The following SNX9 variants were observed in gnomAD, a reference collection of about 807,000 sequenced individuals.
SNX9 encodes the protein sorting nexin-9.
In SNX9, 44 loss-of-function variants were observed where a neutral mutation model predicts 89.4. The observed-to-expected ratio is 0.49, with a 90% CI of 0.39 to 0.63. SNX9 has a LOEUF of 0.63. Among genes scored for constraint, SNX9 ranks in the 30% least tolerant of loss-of-function variants. The probability of loss-of-function intolerance (pLI) is 0.00; values close to 1 mark genes in which losing one functional copy is unlikely to be tolerated. For missense variants in SNX9, 578 were observed against 736.1 expected (o/e 0.79, Z 2.49); for synonymous variants, 236 against 247.8 (o/e 0.95, Z 0.45).
Position 157,909,927 on chromosome 6 carries a change from AC to A in SNX9, c.853del (p.His285ThrfsTer51). On this transcript the variant is annotated frameshift_variant, in exon 9 of 18. Transcript: ENST00000392185. LOFTEE classifies it high-confidence loss of function. ...LTPTNTNRSV[N>X]HRYKHFDWLY... Reference sequence around the variant, plus strand: ...TTGTAGAACACTAATCGATCTGTAAACCACAGGTATAAGCACTTTGACTGGT... The same window carrying A: ...TTGTAGAACACTAATCGATCTGTAAACACAGGTATAAGCACTTTGACTGGT... 2 of 1,614,118 alleles carry A rather than the reference AC, an allele frequency of 1.2e-6. No homozygotes were observed. The highest frequency in any genetic ancestry group is 1.7e-6 in the Non-Finnish European group (2 of 1,180,004).
At chr6:157,853,648 G>A (rs1427193459) in intron 1 of SNX9, among the ~76,000 whole-genome samples, 2 of 152,162 alleles carry the variant, frequency 1.3e-5, no homozygotes, top group Admixed American at 1.3e-4. Context: ...CGGTGAAGTA[G>A]CAGAACCACC....
chr6:157,909,103 A>G (rs1394901359), intron 7 of SNX9, among the ~76,000 whole-genome samples: 3 of 152,124 alleles, frequency 2.0e-5, no homozygotes, highest in Admixed American at 1.3e-4. Flanking sequence ...GGCTCTGGCC[A>G]ATCTGATTAA....
chr6:157,858,652 G>T (rs182596604), intron 1 of SNX9, among the ~76,000 whole-genome samples: 21 of 152,314 alleles, frequency 1.4e-4, no homozygotes, highest in African/African-American at 5.1e-4. Context: ...CACACTGCTA[G>T]TAAAGACATA....
At chr6:157,890,778 T>C (rs920656232) in intron 4 of SNX9, among the ~76,000 whole-genome samples, 1 of 152,170 alleles carries the variant, frequency 6.6e-6, no homozygotes, top group Admixed American at 6.5e-5. Flanking sequence ...TATATGTCGA[T>C]TTTGTTTGTT....
intron 1 of SNX9, among the ~76,000 whole-genome samples, chr6:157,859,685 C>G (rs2115128261): frequency 6.6e-6 from 1 of 152,282 alleles, no homozygotes; most frequent in South Asian, 2.1e-4. Context: ...ATTTGTCTCT[C>G]TTAGTGTGTG....
intron 4 of SNX9, 84 bp downstream of exon 4, chr6:157,875,260 T>C (rs1175308233): frequency 1.4e-6 from 2 of 1,467,490 alleles, no homozygotes; most frequent in Non-Finnish European, 1.8e-6. Flanking sequence ...GCATTATAGC[T>C]ATTGCCATTC....
At chr6:157,927,797 G>A (rs183865032) in intron 11 of SNX9, among the ~76,000 whole-genome samples, 152 of 127,838 alleles carry the variant, frequency 1.2e-3, no homozygotes, top group African/African-American at 4.3e-3. Flanking sequence ...CACGATCTCC[G>A]CTCACTGCAA....
At chr6:157,824,749 T>G (rs1422323323) in intron 1 of SNX9, among the ~76,000 whole-genome samples, 1 of 152,190 alleles carries the variant, frequency 6.6e-6, no homozygotes, top group Non-Finnish European at 1.5e-5. Flanking sequence ...CTTGTTAATA[T>G]ATTATTGCCT....
intron 9 of SNX9, among the ~76,000 whole-genome samples, chr6:157,911,808 A>G (rs909727622): frequency 2.0e-5 from 3 of 152,092 alleles, no homozygotes; most frequent in Non-Finnish European, 4.4e-5. Flanking sequence ...TTTTGTGGAG[A>G]TGGAAACTTT....
Position 157,901,959 on chromosome 6 carries a change from T to A in SNX9, c.534T>A (p.Phe178Leu). The A allele has an allele frequency of 6.2e-7, 1 of 1,613,828 alleles. No homozygotes were observed. The highest frequency in any genetic ancestry group is 8.5e-7 in the Non-Finnish European group (1 of 1,179,878). Residue 178 changes from phenylalanine (F) to leucine (L), a missense_variant, in exon 6 of 18, where the codon TTT (phenylalanine) becomes TTA (leucine). Physicochemically the swap from Phe to Leu is conservative, Grantham distance 22. Around this residue, in one of 2 missense-constraint regions of SNX9, gnomAD observed 230 missense variants for 244.7 expected, o/e 0.94. Transcript: ENST00000392185. ...ATGGGCCCAAATCCTCTTCCTACTTTAAGGATTCAGAGTCAGCTGATGCAG... is the reference window on the plus strand; with the variant it reads ...ATGGGCCCAAATCCTCTTCCTACTTAAAGGATTCAGAGTCAGCTGATGCAG... ...DWDGPKSSSY[F>L]KDSESADAGG...
intron 1 of SNX9, among the ~76,000 whole-genome samples, chr6:157,857,820 C>G (rs1314607508): frequency 1.3e-5 from 2 of 152,090 alleles, no homozygotes; most frequent in East Asian, 3.9e-4. Flanking sequence ...ATTGGGGCTT[C>G]TCATCTAAAA....
chr6:157,881,889 G>T (rs975369984), intron 4 of SNX9, among the ~76,000 whole-genome samples: 3 of 152,226 alleles, frequency 2.0e-5, no homozygotes, highest in African/African-American at 7.2e-5. Flanking sequence ...GCACGGTGAA[G>T]CAGCAGGTGC....
At chr6:157,914,466 T>C (rs1783417613) in intron 9 of SNX9, among the ~76,000 whole-genome samples, 1 of 123,126 alleles carries the variant, frequency 8.1e-6, no homozygotes, top group Admixed American at 9.5e-5. Flanking sequence ...TCATTTTCTT[T>C]TTCTTTTTTT....
At chr6:157,937,763 A>G (rs556349068) in intron 15 of SNX9, among the ~76,000 whole-genome samples, 1 of 152,314 alleles carries the variant, frequency 6.6e-6, no homozygotes, top group East Asian at 1.9e-4. Flanking sequence ...TGAGTATTTT[A>G]TATTTTATGT....
At chr6:157,839,552 G>A (rs1781653692) in intron 1 of SNX9, among the ~76,000 whole-genome samples, 1 of 152,226 alleles carries the variant, frequency 6.6e-6, no homozygotes, top group Admixed American at 6.5e-5. Flanking sequence ...GGATTCAGGT[G>A]TGAATTCCAT....
At chr6:157,904,449 G>A (rs1314271432) in intron 6 of SNX9, among the ~76,000 whole-genome samples, 1 of 151,222 alleles carries the variant, frequency 6.6e-6, no homozygotes, top group African/African-American at 2.4e-5. Flanking sequence ...AAAATAAAAG[G>A]CATCTTGATG....
intron 1 of SNX9, among the ~76,000 whole-genome samples, chr6:157,866,419 C>G (rs545873388): frequency 6.6e-6 from 1 of 152,138 alleles, no homozygotes; most frequent in Admixed American, 6.5e-5. Context: ...ACAAAAAATA[C>G]AAAAATTAGC....
At chr6:157,826,846 TTTTATATATAAATATATATTATAG>T (rs1562585969) in intron 1 of SNX9, among the ~76,000 whole-genome samples, 1 of 73,336 alleles carries the variant, frequency 1.4e-5, no homozygotes, top group African/African-American at 8.3e-5. Context: ...ATATATTATA[TTTTATATATAAATATATATTATAG>T]TTTATATAAT....
At chr6:157,911,418 C>A (rs1195007864) in intron 9 of SNX9, among the ~76,000 whole-genome samples, 3 of 152,296 alleles carry the variant, frequency 2.0e-5, no homozygotes, top group East Asian at 1.9e-4. Flanking sequence ...TCGCAAGAGT[C>A]GAGAGAAACA....
Sources: gnomAD v4.1 joint callset for allele counts (sites outside exome capture counted in the v4.1 genomes callset) on GRCh38, gnomAD v4.1.1 for gene constraint, gnomAD v4.1.1 regional missense constraint, MANE v1.5 for transcripts, NCBI Gene and HGNC (gene_info 2026-07-23, HGNC 2026-07-21) for gene names.